The following ADGRL3 variants were observed in gnomAD, a reference collection of about 807,000 sequenced individuals.
ADGRL3 encodes the protein adhesion G protein-coupled receptor L3.
ADGRL3 carries 62 observed loss-of-function variants against 153.5 expected under a neutral mutation model. The ratio of observed to expected loss-of-function variants is 0.40; its 90% CI spans 0.33 to 0.50. The LOEUF (loss-of-function observed/expected upper bound fraction) is 0.50, where lower values mean the gene tolerates loss of function less well. Among genes scored for constraint, ADGRL3 ranks in the 20% least tolerant of loss-of-function variants. The probability of loss-of-function intolerance (pLI) is 0.47; values close to 1 mark genes in which losing one functional copy is unlikely to be tolerated. For synonymous variants in ADGRL3, 710 were observed against 672.5 expected (o/e 1.06, Z -0.86); for missense variants, 1,641 against 1,859.4 (o/e 0.88, Z 2.16).
chr4:61,673,112 A>G (rs2095062533), intron 5 of ADGRL3, among the ~76,000 whole-genome samples: 1 of 151,926 alleles, frequency 6.6e-6, no homozygotes. Context: ...GATCCCTCTT[A>G]TATGTGGAAT....
At chr4:61,275,528 T>G (rs1270350886) in intron 1 of ADGRL3, among the ~76,000 whole-genome samples, 4 of 152,222 alleles carry the variant, frequency 2.6e-5, no homozygotes, top group Non-Finnish European at 5.9e-5. Flanking sequence ...CGTCTGGTTT[T>G]TCTGTTTTTC....
At chr4:61,646,234 C>A (rs889828411) in intron 5 of ADGRL3, among the ~76,000 whole-genome samples, 3 of 152,116 alleles carry the variant, frequency 2.0e-5, no homozygotes, top group Admixed American at 1.3e-4. Flanking sequence ...GTTTGAATGT[C>A]CTCCCCTAGC....
intron 1 of ADGRL3, among the ~76,000 whole-genome samples, chr4:61,362,843 A>G (rs774062170): frequency 6.6e-5 from 10 of 152,142 alleles, no homozygotes; most frequent in African/African-American, 9.7e-5. Flanking sequence ...TGACTTTTTC[A>G]TATAAATATA....
rs574257560 is a variant in ADGRL3, at chr4:62,070,923, A to G, written c.*15A>G. 4.9e-5 allele frequency: 75 copies of G among 1,526,388 alleles called. No homozygotes were observed. The Middle Eastern group carries it at 5.2e-4, about 10-fold the overall frequency. 94.6% of individuals were successfully genotyped at this position (1,526,388 alleles called of 1,614,324 possible). A position where few individuals can be genotyped will look rare whatever the true frequency, so the allele number is the denominator to read the frequency against. ...CTAGTCTATAGAAGATGACACAGAA[A>G]TTGGAACCAACAAAACTGCTAACAC... On this transcript the variant is annotated 3_prime_UTR_variant, in exon 27 of 27. Coordinates refer to ENST00000683033, the MANE Select transcript of ADGRL3 (RefSeq NM_001387552.1).
chr4:61,474,904 A>C (rs2098024825), intron 2 of ADGRL3, among the ~76,000 whole-genome samples: 2 of 152,262 alleles, frequency 1.3e-5, no homozygotes, highest in Admixed American at 6.5e-5. Context: ...TTGCCGGTTA[A>C]ATTAATATAA....
intron 6 of ADGRL3, among the ~76,000 whole-genome samples, chr4:61,681,933 A>G (rs895773975): frequency 2.6e-5 from 4 of 152,134 alleles, no homozygotes; most frequent in African/African-American, 9.6e-5. Flanking sequence ...TCTGCTTCAT[A>G]TATACAGTAG....
chr4:61,696,832 C>A (rs1434400456), intron 6 of ADGRL3, among the ~76,000 whole-genome samples: 2 of 151,786 alleles, frequency 1.3e-5, no homozygotes, highest in East Asian at 3.9e-4. Flanking sequence ...CCTGCCACCA[C>A]GTCCAGCTAA....
chr4:61,483,940 A>C (rs2098161259), intron 2 of ADGRL3, among the ~76,000 whole-genome samples: 1 of 151,110 alleles, frequency 6.6e-6, no homozygotes, highest in East Asian at 1.9e-4. Context: ...AATTATGGGC[A>C]TATAAATAGG....
At chr4:61,979,996 T>C (rs1013871930) in intron 18 of ADGRL3, among the ~76,000 whole-genome samples, 1 of 152,236 alleles carries the variant, frequency 6.6e-6, no homozygotes, top group Non-Finnish European at 1.5e-5. Context: ...AAATAGACTT[T>C]TGTTTTTTAG....
chr4:61,906,422 T>A (rs2149776638), intron 11 of ADGRL3: 1 of 152,274 alleles, frequency 6.6e-6, no homozygotes, highest in African/African-American at 2.4e-5. Context: ...AAAAAATTAA[T>A]TTAAAAAAAT....
intron 21 of ADGRL3, among the ~76,000 whole-genome samples, chr4:62,014,787 T>G (rs2151298709): frequency 6.6e-6 from 1 of 152,244 alleles, no homozygotes; most frequent in Non-Finnish European, 1.5e-5. Flanking sequence ...GATTAGCAAA[T>G]TAATCACCAC....
chr4:61,251,252 G>C (rs1403555446), intron 1 of ADGRL3, among the ~76,000 whole-genome samples: 1 of 152,154 alleles, frequency 6.6e-6, no homozygotes. Context: ...CACACGCCTG[G>C]TTTCTGGGCT....
At chr4:61,644,263 G>T (rs2093844265) in intron 5 of ADGRL3, among the ~76,000 whole-genome samples, 1 of 107,590 alleles carries the variant, frequency 9.3e-6, no homozygotes, top group Non-Finnish European at 2.4e-5. Context: ...TTAATTTTTT[G>T]AAGGGTTTTT....
chr4:61,357,696 T>C (rs1225476393), intron 1 of ADGRL3, among the ~76,000 whole-genome samples: 1 of 152,146 alleles, frequency 6.6e-6, no homozygotes, highest in East Asian at 1.9e-4. Flanking sequence ...CCTGTGAAAA[T>C]ACATATATGT....
intron 1 of ADGRL3, among the ~76,000 whole-genome samples, chr4:61,347,724 GAGA>G (rs2095951244): frequency 6.6e-6 from 1 of 152,182 alleles, no homozygotes; most frequent in African/African-American, 2.4e-5. Context: ...AGAATCAAAA[GAGA>G]AGGATTAATC....
chr4:61,450,621 T>A (rs1473834184), intron 2 of ADGRL3, among the ~76,000 whole-genome samples: 4 of 152,162 alleles, frequency 2.6e-5, no homozygotes, highest in African/African-American at 9.6e-5. Flanking sequence ...TAGATTATTT[T>A]AAATGCAGTT....
chr4:61,749,914 G>C (rs1475969608), intron 8 of ADGRL3, among the ~76,000 whole-genome samples: 14 of 151,914 alleles, frequency 9.2e-5, no homozygotes, highest in Admixed American at 9.2e-4. Flanking sequence ...AATGAAAAAT[G>C]GAATTCAGGC....
chr4:61,563,529 A>G (rs531466370), intron 4 of ADGRL3, among the ~76,000 whole-genome samples: 3 of 152,324 alleles, frequency 2.0e-5, no homozygotes, highest in African/African-American at 7.2e-5. Context: ...ATTCTCAGCT[A>G]GGAAAGTCCT....
chr4:61,718,333 A>T (rs753201868), intron 6 of ADGRL3, among the ~76,000 whole-genome samples: 40 of 152,144 alleles, frequency 2.6e-4, no homozygotes, highest in Non-Finnish European at 5.1e-4. Flanking sequence ...AAACCCTTGG[A>T]TTTATTTAAT....
Sources: allele counts gnomAD v4.1 joint callset (sites outside exome capture counted in the v4.1 genomes callset), GRCh38; gene constraint gnomAD v4.1.1; transcripts MANE v1.5; gene names NCBI Gene and HGNC (gene_info 2026-07-23, HGNC 2026-07-21).